CACNB4: variants seen among roughly 807,000 people sequenced by gnomAD.
The protein encoded by CACNB4 is voltage-dependent L-type calcium channel subunit beta-4.
A neutral mutation model predicts 71.2 loss-of-function variants in CACNB4; 32 were observed. The ratio of observed to expected loss-of-function variants is 0.45; its 90% CI spans 0.34 to 0.60. The LOEUF is 0.60. CACNB4 is among the 20% of genes least tolerant of loss of function. The pLI is 0.01. For synonymous variants in CACNB4, 231 were observed against 236.9 expected (o/e 0.97, Z 0.23); for missense variants, 464 against 647.9 (o/e 0.72, Z 3.08).
At chr2:152,047,102 A>G (rs1685176118) in intron 2 of CACNB4, among the ~76,000 whole-genome samples, 1 of 152,188 alleles carries the variant, frequency 6.6e-6, no homozygotes, top group South Asian at 2.1e-4. Flanking sequence ...TGAATAAATA[A>G]CCTGCTAAGC....
At chr2:151,847,070 G>A (rs2099837790) in intron 12 of CACNB4, among the ~76,000 whole-genome samples, 1 of 133,492 alleles carries the variant, frequency 7.5e-6, no homozygotes, top group South Asian at 2.5e-4. Context: ...CCTTGCTATT[G>A]TAAAATATAG....
At chr2:152,049,982 T>C (rs1425141879) in intron 2 of CACNB4, among the ~76,000 whole-genome samples, 2 of 152,240 alleles carry the variant, frequency 1.3e-5, no homozygotes, top group East Asian at 3.8e-4. Flanking sequence ...GACCACAGTA[T>C]GGAGATGGGA....
chr2:151,880,931 A>G lies in CACNB4; in HGVS notation c.268-9T>C. 2 of 1,597,882 alleles carry G rather than the reference A, an allele frequency of 1.3e-6. No homozygotes were observed. The highest frequency in any genetic ancestry group is 1.7e-6 in the Non-Finnish European group (2 of 1,171,108). On this transcript the variant is annotated splice_polypyrimidine_tract_variant and intron_variant, in intron 3 of 13. Transcript: ENST00000539935. The stretch of plus-strand genomic sequence containing the variant: ...AATGCTACAGGTTTGGACTAGGGAC[A>G]GAACCATGGAATAAGGAATGAGGAA...
intron 2 of CACNB4, among the ~76,000 whole-genome samples, chr2:152,012,989 A>G (rs575506530): frequency 1.3e-5 from 2 of 152,348 alleles, no homozygotes; most frequent in South Asian, 2.1e-4. Context: ...CTCTTACACC[A>G]TACTTTTACT....
chr2:151,983,019 G>A (rs2099874991), intron 2 of CACNB4, among the ~76,000 whole-genome samples: 1 of 152,186 alleles, frequency 6.6e-6, no homozygotes, highest in South Asian at 2.1e-4. Context: ...CAAGATGGTA[G>A]TCAGTGACTG....
At chr2:152,091,203 A>G (rs1009700509) in intron 2 of CACNB4, among the ~76,000 whole-genome samples, 1 of 152,190 alleles carries the variant, frequency 6.6e-6, no homozygotes, top group Non-Finnish European at 1.5e-5. Context: ...AAGAAGAAGC[A>G]CAGTTTGCCA....
At chr2:152,084,388 C>T (rs1687533240) in intron 2 of CACNB4, among the ~76,000 whole-genome samples, 1 of 152,310 alleles carries the variant, frequency 6.6e-6, no homozygotes, top group South Asian at 2.1e-4. Flanking sequence ...GAGGAAGGCA[C>T]AGCTCCTGCA....
At chr2:151,996,564 A>T (rs1682058237) in intron 2 of CACNB4, among the ~76,000 whole-genome samples, 1 of 152,068 alleles carries the variant, frequency 6.6e-6, no homozygotes, top group Non-Finnish European at 1.5e-5. Flanking sequence ...GTGACCTTAC[A>T]TAATCCTTCT....
intron 2 of CACNB4, among the ~76,000 whole-genome samples, chr2:152,067,076 A>G (rs1686375795): frequency 1.3e-5 from 2 of 151,084 alleles, no homozygotes; most frequent in Admixed American, 6.6e-5. Context: ...GCGCACCAGC[A>G]TGGCACATGT....
At chr2:152,093,988 G>A (rs1009472324) in intron 2 of CACNB4, among the ~76,000 whole-genome samples, 5 of 152,228 alleles carry the variant, frequency 3.3e-5, no homozygotes, top group African/African-American at 1.2e-4. Flanking sequence ...ATTCATTCAA[G>A]TGTGTGTTTA....
At chr2:151,886,457 T>G (rs573267581) in intron 2 of CACNB4, among the ~76,000 whole-genome samples, 1 of 152,314 alleles carries the variant, frequency 6.6e-6, no homozygotes, top group African/African-American at 2.4e-5. Context: ...TTCAATTATC[T>G]CTGAGTACAC....
rs1012018552 is a variant in CACNB4, at chr2:152,078,698, G to A, written c.147+19632C>T. 1.1e-4 allele frequency among the ~76,000 whole-genome samples: 16 copies of A among 152,288 alleles called. 1 individual carries two copies. Among genetic ancestry groups the A allele is most frequent in the Admixed American group, 3.3e-4 (5 of 15,306 alleles). On this transcript the variant is annotated intron_variant, in intron 2 of 13. Transcript: ENST00000539935. ...TTTGAGCTACCTAGAAAATGGTAAT[G>A]ACTGTAGGGGTCACACTGGATCCAA...
Position 151,860,828 on chromosome 2 carries a change from T to C in CACNB4, c.759-8A>G. ...ACTCTCGTTATTGAAATCCTATGAA[T>C]AGGAACACAGAACAGAACAAGCCAG... is the stretch of plus-strand genomic sequence containing the variant. On this transcript the variant is annotated splice_region_variant and splice_polypyrimidine_tract_variant and intron_variant, in intron 9 of 13. Coordinates refer to ENST00000539935, the MANE Select transcript of CACNB4 (RefSeq NM_000726.5). 5 of 1,563,474 alleles carry C rather than the reference T, an allele frequency of 3.2e-6. No individual in the cohort carries two copies. The highest frequency in any genetic ancestry group is 4.4e-6 in the Non-Finnish European group (5 of 1,134,186).
intron 2 of CACNB4, among the ~76,000 whole-genome samples, chr2:151,976,949 C>G (rs912847381): frequency 6.6e-6 from 1 of 152,144 alleles, no homozygotes; most frequent in Non-Finnish European, 1.5e-5. Context: ...GAAAAGCAAC[C>G]AAGACACTGG....
At chr2:152,069,288 A>G (rs1686529156) in intron 2 of CACNB4, among the ~76,000 whole-genome samples, 1 of 152,136 alleles carries the variant, frequency 6.6e-6, no homozygotes, top group Non-Finnish European at 1.5e-5. Flanking sequence ...TCCCAAATAA[A>G]TACCTGCATA....
At chr2:151,853,397 C>T in intron 12 of CACNB4, 51 bp downstream of exon 12, 4 of 1,057,296 alleles carry the variant, frequency 3.8e-6, no homozygotes, top group South Asian at 3.1e-5. Context: ...AAAAAACCCA[C>T]CCTCTTCTAA....
intron 2 of CACNB4, 85 bp from the exon 3 acceptor site, chr2:151,883,455 T>C (rs1315019256): frequency 7.1e-7 from 1 of 1,417,978 alleles, no homozygotes; most frequent in Non-Finnish European, 9.9e-7. Context: ...GCGAGTTCTT[T>C]TTCATTTGCC....
At chr2:152,009,513 A>C (rs959635450) in intron 2 of CACNB4, among the ~76,000 whole-genome samples, 1 of 152,176 alleles carries the variant, frequency 6.6e-6, no homozygotes, top group African/African-American at 2.4e-5. Flanking sequence ...AACGGGGGAA[A>C]CTCGGTGCAG....
intron 2 of CACNB4, chr2:151,973,653 C>T: frequency 6.2e-7 from 1 of 1,611,644 alleles, no homozygotes; most frequent in Non-Finnish European, 8.5e-7. Context: ...AATTAGCTAT[C>T]TATGAAAATA....
Sources: gnomAD v4.1 joint callset for allele counts (sites outside exome capture counted in the v4.1 genomes callset) on GRCh38, gnomAD v4.1.1 for gene constraint, MANE v1.5 for transcripts, NCBI Gene and HGNC (gene_info 2026-07-23, HGNC 2026-07-21) for gene names.